The following CDYL2 variants were observed in gnomAD, a reference collection of about 807,000 sequenced individuals.
CDYL2 encodes the protein chromodomain Y like 2.
Under a neutral mutation model 49.4 loss-of-function variants are expected in CDYL2, and 23 were observed. The ratio of observed to expected loss-of-function variants is 0.47; its 90% CI spans 0.34 to 0.66. CDYL2 has a LOEUF of 0.66. Ranked by LOEUF, CDYL2 falls within the 30% of genes least tolerant of loss-of-function variation. The pLI is 0.01. For missense variants in CDYL2, 678 were observed against 656.4 expected, an observed-to-expected ratio of 1.03 and a Z score of -0.36; for synonymous variants, 360 against 268.8, an observed-to-expected ratio of 1.34 and a Z score of -3.32.
At position 80,599,307 on chromosome 16, in the gene CDYL2, T is replaced by G. The variant is rs190088517; in HGVS notation, c.*5081A>C. The G allele has an allele frequency of 1.1e-4, 16 of 152,352 alleles. No homozygotes were observed. The highest frequency in any genetic ancestry group is 3.6e-4 in the African/African-American group (15 of 41,592). The allele number at this position is 152,352 out of a possible 1,614,324, so 9.4% of individuals were successfully genotyped here. A position where few individuals can be genotyped will look rare whatever the true frequency, so the allele number is the denominator to read the frequency against. ...CCAGAGATGAACCAAATAACTTGAT[T>G]TTAGCCATATGATAGCCCTGGACTA... On this transcript the variant is annotated 3_prime_UTR_variant, in exon 7 of 7. Coordinates refer to ENST00000570137, the MANE Select transcript of CDYL2 (RefSeq NM_152342.4).
chr16:80,686,192 C>T (rs1910183190), intron 1 of CDYL2, among the ~76,000 whole-genome samples: 1 of 152,222 alleles, frequency 6.6e-6, no homozygotes, highest in Admixed American at 6.5e-5. Flanking sequence ...AAGAAAACCT[C>T]CCTTGTCTTT....
chr16:80,649,043 G>C (rs1393454931), intron 2 of CDYL2, among the ~76,000 whole-genome samples: 3 of 152,088 alleles, frequency 2.0e-5, no homozygotes, highest in African/African-American at 7.2e-5. Flanking sequence ...CTGCTGAATG[G>C]GGAAAAACTG....
At chr16:80,642,637 C>T (rs1908151024) in intron 2 of CDYL2, among the ~76,000 whole-genome samples, 1 of 152,060 alleles carries the variant, frequency 6.6e-6, no homozygotes, top group Non-Finnish European at 1.5e-5. Context: ...TTCCACGTGG[C>T]TGGGGAGGCC....
At chr16:80,769,222 A>C (rs1373243734) in intron 1 of CDYL2, among the ~76,000 whole-genome samples, 2 of 152,194 alleles carry the variant, frequency 1.3e-5, no homozygotes, top group Admixed American at 6.5e-5. Context: ...CTGGGATAGG[A>C]TCGCATTCTA....
In CDYL2 at chr16:80,794,450, G is replaced by A. The variant is rs189255860; in HGVS notation, c.24+9700C>T. Among the ~76,000 whole-genome samples the A allele has an allele frequency of 1.5e-4, 23 of 152,094 alleles. No individual in the cohort carries two copies. The East Asian group carries it at 2.9e-3, about 19-fold the overall frequency. ...AGTTCCAATATATGTCAAAAATAGC[G>A]GAAAAAGCCATATTCTGAGGTATGC... On this transcript the variant is annotated intron_variant, in intron 1 of 6. Coordinates refer to ENST00000570137, the MANE Select transcript of CDYL2 (RefSeq NM_152342.4).
Position 80,612,644 on chromosome 16 carries a change from C to A in CDYL2, c.1200G>T (p.Gln400His). The A allele has an allele frequency of 1.2e-6, 2 of 1,609,556 alleles. No homozygotes were observed. Among genetic ancestry groups the A allele is most frequent in the Non-Finnish European group, 1.7e-6 (2 of 1,178,164 alleles). The change falls in exon 5 of 7, where the codon CAG becomes CAT. Residue 400 changes from glutamine to histidine, a missense_variant. Physicochemically the swap from Gln to His is conservative, Grantham distance 24. This residue lies in a region of CDYL2 where 153 missense variants were observed against 150.6 expected (regional missense o/e 1.02). Transcript: ENST00000570137. This position sits in a 1 kb window ranked among gnomAD's most constrained non-coding sequence, Gnocchi z 5.0. Reference protein sequence around the residue: ...PAGCSSYTFPQILGVALANEM... With the variant: ...PAGCSSYTFPHILGVALANEM... The stretch of plus-strand genomic sequence containing the variant: ...GGCTTACCAGCGCGACGCCCAGGAT[C>A]TGGGGGAAGGTGTAGGAGGAGCAGC...
intron 3 of CDYL2, among the ~76,000 whole-genome samples, chr16:80,630,128 T>C (rs1364137743): frequency 6.6e-6 from 1 of 152,232 alleles, no homozygotes; most frequent in African/African-American, 2.4e-5. Context: ...CGGGCTGCTT[T>C]ACCCAGTCAG....
chr16:80,775,453 G>C (rs985339689), intron 1 of CDYL2, among the ~76,000 whole-genome samples: 2 of 151,744 alleles, frequency 1.3e-5, no homozygotes, highest in African/African-American at 2.4e-5. Context: ...TTTTTCAAGG[G>C]GGGTGGGTTG....
In CDYL2 at chr16:80,773,191, A is replaced by G. The variant is rs369248682; in HGVS notation, c.24+30959T>C. Among the ~76,000 whole-genome samples the G allele has an allele frequency of 4.3e-4, 66 of 152,322 alleles. No homozygotes were observed. The Middle Eastern group carries it at 0.01, about 24-fold the overall frequency. ...AGATATTTTTTAAAACAAAAAGTTT[A>G]ACTAGAGTTAGAAAGTGGAATTTTT... is the stretch of plus-strand genomic sequence containing the variant. On this transcript the variant is annotated intron_variant, in intron 1 of 6. Coordinates refer to ENST00000570137, the MANE Select transcript of CDYL2 (RefSeq NM_152342.4).
At chr16:80,694,363 G>A (rs1910538867) in intron 1 of CDYL2, among the ~76,000 whole-genome samples, 1 of 152,132 alleles carries the variant, frequency 6.6e-6, no homozygotes, top group African/African-American at 2.4e-5. Context: ...AGGAACCCCT[G>A]CTCTAGTTGG....
intron 1 of CDYL2, among the ~76,000 whole-genome samples, chr16:80,766,573 T>C (rs1355590364): frequency 1.3e-5 from 2 of 152,134 alleles, no homozygotes; most frequent in East Asian, 3.9e-4. Context: ...CCAATCCCAA[T>C]ACAACCCAAT....
intron 1 of CDYL2, among the ~76,000 whole-genome samples, chr16:80,710,855 G>C (rs966133109): frequency 6.6e-6 from 1 of 152,156 alleles, no homozygotes; most frequent in African/African-American, 2.4e-5. Flanking sequence ...ATCAGAAATA[G>C]TTCTTCACTG....
At chr16:80,758,989 C>G (rs1001767160) in intron 1 of CDYL2, among the ~76,000 whole-genome samples, 1 of 150,414 alleles carries the variant, frequency 6.6e-6, no homozygotes, top group Non-Finnish European at 1.5e-5. Context: ...AATATCTGAC[C>G]CAGGAAAATA....
At chr16:80,683,919 AC>A (rs1910069211) in intron 2 of CDYL2, among the ~76,000 whole-genome samples, 2 of 152,228 alleles carry the variant, frequency 1.3e-5, no homozygotes, top group Non-Finnish European at 1.5e-5. Flanking sequence ...TTCATAAATT[AC>A]CCATTCTAAG....
rs1267205053 is a variant in CDYL2, at chr16:80,612,374, C to T, written c.1218+252G>A. On this transcript the variant is annotated intron_variant, in intron 5 of 6. Coordinates refer to ENST00000570137, the MANE Select transcript of CDYL2 (RefSeq NM_152342.4). The surrounding 1 kb of genome is among the most constrained non-coding windows in gnomAD (Gnocchi z 5.0). ...ACAGCACCCAGCCAATCCTAAGACA[C>T]GCCTTCAGGGGGTTGGAGTGAGGAA... 6.6e-5 allele frequency among the ~76,000 whole-genome samples: 10 copies of T among 152,158 alleles called. No individual in the cohort carries two copies. The highest frequency in any genetic ancestry group is 8.8e-5 in the Non-Finnish European group (6 of 68,020).
At chr16:80,675,334 G>A (rs969824324) in intron 2 of CDYL2, among the ~76,000 whole-genome samples, 1 of 152,146 alleles carries the variant, frequency 6.6e-6, no homozygotes, top group African/African-American at 2.4e-5. Context: ...CTATAAACAA[G>A]GTTGATCCCA....
chr16:80,636,142 G>A (rs2142397209), intron 2 of CDYL2, among the ~76,000 whole-genome samples: 1 of 152,234 alleles, frequency 6.6e-6, no homozygotes, highest in East Asian at 1.9e-4. Context: ...CAGGACATAG[G>A]CATGGGCAAA....
At position 80,643,849 on chromosome 16, in the gene CDYL2, G is replaced by A. The variant is rs369213044; in HGVS notation, c.617-10613C>T. Among the ~76,000 whole-genome samples, 343 of 152,342 alleles carry A rather than the reference G, an allele frequency of 2.3e-3. 1 individual carries two copies. The highest frequency in any genetic ancestry group is 7.9e-3 in the African/African-American group (327 of 41,576). Reference sequence around the variant, plus strand: ...TCCCCTAGGCCTCCAGGCCTGTGATGGGAGGGTCTGCTGTGAAGACCTCTG... The same window carrying A: ...TCCCCTAGGCCTCCAGGCCTGTGATAGGAGGGTCTGCTGTGAAGACCTCTG... On this transcript the variant is annotated intron_variant, in intron 2 of 6. Transcript: ENST00000570137.
At chr16:80,779,144 A>G (rs1350426919) in intron 1 of CDYL2, among the ~76,000 whole-genome samples, 1 of 152,102 alleles carries the variant, frequency 6.6e-6, no homozygotes, top group East Asian at 1.9e-4. Flanking sequence ...GAGATGAGAA[A>G]GAAGCACAAA....
Sources: allele counts gnomAD v4.1 joint callset (sites outside exome capture counted in the v4.1 genomes callset), GRCh38; gene constraint gnomAD v4.1.1; regional missense constraint gnomAD v4.1.1; non-coding constraint Gnocchi (gnomAD v3.1); transcripts MANE v1.5; gene names NCBI Gene and HGNC (gene_info 2026-07-23, HGNC 2026-07-21).